The following HELZ variants were observed in gnomAD, a reference collection of about 807,000 sequenced individuals.
The protein encoded by HELZ is helicase with zinc finger.
HELZ carries 23 observed loss-of-function variants against 218.2 expected under a neutral mutation model. The observed-to-expected ratio is 0.11, with a 90% CI of 0.08 to 0.15. HELZ has a LOEUF of 0.15. Among genes scored for constraint, HELZ ranks in the 10% least tolerant of loss-of-function variants. The probability of loss-of-function intolerance (pLI) is 1.00; values close to 1 mark genes in which losing one functional copy is unlikely to be tolerated. For synonymous variants in HELZ, 814 were observed against 829.4 expected (o/e 0.98, Z 0.32); for missense variants, 1,813 against 2,353.7 (o/e 0.77, Z 4.75).
chr17:67,072,964 T>C lies in HELZ; in HGVS notation c.*5288A>G, dbSNP rs1159605793. The C allele has an allele frequency of 6.6e-6, 1 of 152,158 alleles. No homozygotes were observed. The highest frequency in any genetic ancestry group is 1.5e-5 in the Non-Finnish European group (1 of 68,026). The allele number at this position is 152,158 out of a possible 1,614,324, so 9.4% of individuals were successfully genotyped here. On this transcript the variant is annotated 3_prime_UTR_variant, in exon 33 of 33. Coordinates refer to ENST00000358691, the MANE Select transcript of HELZ (RefSeq NM_014877.4). ...GGCTCCAGACCAAAATCAGAAATGC[T>C]GGGGGTGGGTCCAGCTATCTGAATT...
intron 20 of HELZ, among the ~76,000 whole-genome samples, chr17:67,148,133 T>C (rs947850985): frequency 6.6e-6 from 1 of 152,168 alleles, no homozygotes; most frequent in Non-Finnish European, 1.5e-5. Context: ...GGCTTGTGAC[T>C]GCTGGGGGGC....
chr17:67,139,665 T>C (rs1480100959), intron 21 of HELZ, among the ~76,000 whole-genome samples: 1 of 152,170 alleles, frequency 6.6e-6, no homozygotes, highest in Non-Finnish European at 1.5e-5. Flanking sequence ...TTGAGAAGCA[T>C]CCATCTATTC....
chr17:67,195,276 C>G (rs528417998), intron 8 of HELZ, 143 bp downstream of exon 8: 10 of 515,148 alleles, frequency 1.9e-5, no homozygotes, highest in African/African-American at 1.9e-4. Flanking sequence ...TCAACTACAC[C>G]TACTTCTTAA....
At chr17:67,219,183 T>C (rs1189422788) in intron 3 of HELZ, among the ~76,000 whole-genome samples, 1 of 152,216 alleles carries the variant, frequency 6.6e-6, no homozygotes. Flanking sequence ...AAACGTTTCA[T>C]ATCCAAATCT....
intron 12 of HELZ, chr17:67,179,572 A>G (rs1046561457): frequency 2.0e-5 from 3 of 152,240 alleles, no homozygotes; most frequent in African/African-American, 7.2e-5. Context: ...GTCAAAACAA[A>G]TGACTGTTCA....
rs1483797328 is a variant in HELZ, at chr17:67,128,697, A to C, written c.3341T>G (p.Leu1114Arg). The change falls in exon 24 of 33, where the codon CTG (leucine) becomes CGG (arginine). Residue 1114 changes from leucine to arginine, a missense_variant. Physicochemically the swap from Leu to Arg is moderately radical, Grantham distance 102. Around this residue, in one of 4 missense-constraint regions of HELZ, gnomAD observed 938 missense variants for 1,027.5 expected, o/e 0.91. Coordinates refer to ENST00000358691, the MANE Select transcript of HELZ (RefSeq NM_014877.4). ...APEFIPRALR[L>R]QHSGSTNKQQ... ...TTTGTTGGTACTTCCTGAATGCTGC[A>C]GTCTTAGAGCCCGGGGGATAAATTC... The C allele has an allele frequency of 6.2e-7, 1 of 1,614,058 alleles. No homozygotes were observed. The highest frequency in any genetic ancestry group is 1.7e-5 in the Admixed American group (1 of 59,996).
At chr17:67,168,930 A>G (rs1447354512) in intron 13 of HELZ, among the ~76,000 whole-genome samples, 2 of 152,202 alleles carry the variant, frequency 1.3e-5, no homozygotes, top group African/African-American at 4.8e-5. Flanking sequence ...TGCATCTACT[A>G]AAAATACAAA....
At chr17:67,222,483 G>A (rs1284343650) in intron 3 of HELZ, among the ~76,000 whole-genome samples, 1 of 152,066 alleles carries the variant, frequency 6.6e-6, no homozygotes, top group Non-Finnish European at 1.5e-5. Flanking sequence ...AGCTTTGAGA[G>A]GAAATGACTC....
At chr17:67,146,657 AAG>A (rs1290128281) in intron 20 of HELZ, among the ~76,000 whole-genome samples, 3 of 152,242 alleles carry the variant, frequency 2.0e-5, no homozygotes, top group Non-Finnish European at 4.4e-5. Context: ...TTTACTGATG[AAG>A]ACACCATCTA....
At chr17:67,177,447 A>T (rs963529042) in intron 13 of HELZ, among the ~76,000 whole-genome samples, 1 of 152,112 alleles carries the variant, frequency 6.6e-6, no homozygotes, top group Non-Finnish European at 1.5e-5. Flanking sequence ...AAGTTAATAT[A>T]TAATTTTTTC....
chr17:67,232,149 A>AT (rs901289685), intron 3 of HELZ, among the ~76,000 whole-genome samples: 41 of 148,144 alleles, frequency 2.8e-4, no homozygotes, highest in South Asian at 1.1e-3. Context: ...GTATTTTATA[A>AT]TTTTTTTTTT....
At chr17:67,244,764 C>G (rs999917604) in intron 1 of HELZ, 1 of 985,074 alleles carries the variant, frequency 1.0e-6, no homozygotes, top group Admixed American at 6.1e-5. Context: ...TCCCCACCCC[C>G]AGCCGCGACC....
chr17:67,193,839 AATG>A (rs1326718407), intron 9 of HELZ, 125 bp downstream of exon 9: 2 of 665,676 alleles, frequency 3.0e-6, no homozygotes, highest in Non-Finnish European at 5.2e-6. Context: ...TTTATTACTT[AATG>A]ATAATGACCT....
rs1231189483 is a variant in HELZ at position 67,108,536 on chromosome 17, C to T, written c.4680G>A (p.Lys1560=). Residue 1560 remains lysine (K), a synonymous_variant, in exon 30 of 33, where the codon AAG becomes AAA. Transcript: ENST00000358691. The surrounding 1 kb of genome is among the most constrained non-coding windows in gnomAD (Gnocchi z 4.1). ...CTTCATCTTCGGCACTGCTGGTGAG[C>T]TTCCAGTCTGCCCTCACTGGCGGCT... ...LHQPPVRADW[K]LTSSAEDEVE... 6.2e-7 allele frequency: 1 copy of T among 1,614,112 alleles called. No homozygotes were observed. Among genetic ancestry groups the T allele is most frequent in the South Asian group, 1.1e-5 (1 of 91,082 alleles).
intron 12 of HELZ, among the ~76,000 whole-genome samples, chr17:67,181,306 CA>C (rs2039606010): frequency 6.6e-6 from 1 of 152,144 alleles, no homozygotes; most frequent in South Asian, 2.1e-4. Flanking sequence ...CCTAAAATGA[CA>C]GAGCTTTCCC....
Position 67,123,028 on chromosome 17 carries a change from C to G in HELZ, c.3572G>C (p.Ser1191Thr), listed in dbSNP as rs1288897167. Reference protein sequence around the residue: ...VQRIDPHTGTSILYVPAVYGG... With the variant: ...VQRIDPHTGTTILYVPAVYGG... ...ATAGACAGCAGGTACATAAAGAATACTTGTCCCAGTGTGAGGATCTATTCT... is the reference window on the plus strand; with the variant it reads ...ATAGACAGCAGGTACATAAAGAATAGTTGTCCCAGTGTGAGGATCTATTCT... The change falls in exon 26 of 33, where the codon AGT (serine) becomes ACT (threonine). Residue 1191 changes from serine (S) to threonine (T), a missense_variant. By Grantham distance (58) the Ser-to-Thr change is moderately conservative. Around this residue, in one of 4 missense-constraint regions of HELZ, gnomAD observed 938 missense variants for 1,027.5 expected, o/e 0.91. Coordinates refer to ENST00000358691, the MANE Select transcript of HELZ (RefSeq NM_014877.4). The G allele has an allele frequency of 6.2e-7, 1 of 1,613,590 alleles. No homozygotes were observed. Among genetic ancestry groups the G allele is most frequent in the African/African-American group, 1.3e-5 (1 of 74,914 alleles).
intron 6 of HELZ, among the ~76,000 whole-genome samples, chr17:67,201,846 A>T (rs535100463): frequency 2.9e-4 from 44 of 152,294 alleles, no homozygotes; most frequent in Non-Finnish European, 5.0e-4. Context: ...TAATTTTTCT[A>T]TGCTAATACA....
intron 5 of HELZ, among the ~76,000 whole-genome samples, chr17:67,207,165 GC>G (rs1305877751): frequency 6.8e-6 from 1 of 147,242 alleles, no homozygotes; most frequent in Non-Finnish European, 1.5e-5. Context: ...GCCCGCCTCT[GC>G]CTCCCAAAGT....
chr17:67,230,382 G>A (rs1422823371), intron 3 of HELZ, among the ~76,000 whole-genome samples: 1 of 152,104 alleles, frequency 6.6e-6, no homozygotes. Flanking sequence ...CGGATCACGA[G>A]GTCAAGAGAT....
Sources: gnomAD v4.1 joint callset for allele counts (sites outside exome capture counted in the v4.1 genomes callset) on GRCh38, gnomAD v4.1.1 for gene constraint, gnomAD v4.1.1 regional missense constraint, Gnocchi (gnomAD v3.1) non-coding constraint, MANE v1.5 for transcripts, NCBI Gene and HGNC (gene_info 2026-07-23, HGNC 2026-07-21) for gene names.